Variants in GPM6B observed in about 807,000 individuals in gnomAD.
GPM6B encodes the protein neuronal membrane glycoprotein M6-b.
In GPM6B, 4 loss-of-function variants were observed where a neutral mutation model predicts 27.2. That is an observed-to-expected ratio of 0.15 (90% CI 0.07 to 0.34). GPM6B has a LOEUF of 0.34. Among genes scored for constraint, GPM6B ranks in the 10% least tolerant of loss-of-function variants. GPM6B has a pLI of 1.00. For synonymous variants in GPM6B, 124 were observed against 103.1 expected (o/e 1.20, Z -1.23); for missense variants, 183 against 261.9 (o/e 0.70, Z 2.08).
intron 1 of GPM6B, among the ~76,000 whole-genome samples, chrX:13,833,550 T>A (rs867253729): frequency 1.4e-5 from 1 of 71,562 alleles, no homozygotes; most frequent in African/African-American, 6.0e-5. Context: ...CTCTATCTCT[T>A]AAAAAAAAAA....
At chrX:13,919,862 G>A (rs2050461493) in intron 1 of GPM6B, among the ~76,000 whole-genome samples, 2 of 111,731 alleles carry the variant, frequency 1.8e-5, no homozygotes, top group South Asian at 7.4e-4. Flanking sequence ...GCTGTTGAAG[G>A]ACAGCATCCT....
chrX:13,902,618 G>A (rs1419485623), intron 1 of GPM6B, among the ~76,000 whole-genome samples: 2 of 110,953 alleles, frequency 1.8e-5, no homozygotes, highest in African/African-American at 6.6e-5. Context: ...TGAAGGAGCT[G>A]CCCAAGAGCC....
At chrX:13,831,394 G>A (rs188314664) in intron 1 of GPM6B, among the ~76,000 whole-genome samples, 1 of 111,330 alleles carries the variant, frequency 9.0e-6, no homozygotes, top group African/African-American at 3.3e-5. Context: ...TGCCAGTCAC[G>A]AGGCCATGGA....
At chrX:13,778,446 T>C (rs1335283175) in intron 5 of GPM6B, among the ~76,000 whole-genome samples, 1 of 112,590 alleles carries the variant, frequency 8.9e-6, no homozygotes, top group African/African-American at 3.2e-5. Context: ...CTGAGGCTCC[T>C]CTGCAATGAC....
At chrX:13,855,358 G>A (rs755118850) in intron 1 of GPM6B, among the ~76,000 whole-genome samples, 3 of 111,953 alleles carry the variant, frequency 2.7e-5, no homozygotes, top group Admixed American at 9.5e-5. Flanking sequence ...GCTCAGTTTC[G>A]ACTTTTATAT....
chrX:13,847,102 A>G (rs2049658555), intron 1 of GPM6B, among the ~76,000 whole-genome samples: 1 of 111,190 alleles, frequency 9.0e-6, no homozygotes, highest in African/African-American at 3.3e-5. Context: ...TAAATTCAAA[A>G]TCCAAATGTC....
At chrX:13,785,946 C>A (rs1227279467) in intron 2 of GPM6B, 138 bp from the exon 3 acceptor site, 9 of 491,681 alleles carry the variant, frequency 1.8e-5, no homozygotes, top group Non-Finnish European at 3.0e-5. Context: ...AATACTTCGA[C>A]ATCCCAAGGG....
intron 7 of GPM6B, 106 bp downstream of exon 7, chrX:13,776,132 C>G: frequency 1.6e-6 from 1 of 630,392 alleles, no homozygotes; most frequent in South Asian, 2.6e-5. Context: ...GGTTGAGTGC[C>G]AGAATCATTG....
intron 1 of GPM6B, among the ~76,000 whole-genome samples, chrX:13,933,259 T>C (rs1293148824): frequency 1.8e-5 from 2 of 111,921 alleles, no homozygotes; most frequent in Non-Finnish European, 3.8e-5. Flanking sequence ...AATTTGGTAT[T>C]TGAACAGAAA....
intron 1 of GPM6B, among the ~76,000 whole-genome samples, chrX:13,857,717 T>C (rs918824084): frequency 1.8e-5 from 2 of 112,660 alleles, no homozygotes; most frequent in African/African-American, 3.2e-5. Flanking sequence ...TAATTGCATG[T>C]TATCTAAAAC....
At chrX:13,889,594 T>C (rs971275433) in intron 1 of GPM6B, 6 of 111,503 alleles carry the variant, frequency 5.4e-5, no homozygotes, top group Admixed American at 9.6e-5. Context: ...TCACATTAGA[T>C]GCAGGCAAGC....
intron 1 of GPM6B, among the ~76,000 whole-genome samples, chrX:13,889,976 G>A (rs2050174105): frequency 9.0e-6 from 1 of 111,337 alleles, no homozygotes; most frequent in Admixed American, 9.6e-5. Context: ...AATGCTATTA[G>A]CTACGTGCTA....
upstream of GPM6B, among the ~76,000 whole-genome samples, chrX:13,818,662 A>T (rs1408653720): frequency 8.9e-6 from 1 of 112,564 alleles, no homozygotes; most frequent in Admixed American, 9.4e-5. Context: ...TCTCCTGGTC[A>T]GGGGATTGAG....
intron 1 of GPM6B, among the ~76,000 whole-genome samples, chrX:13,862,671 G>T (rs1402210969): frequency 9.0e-6 from 1 of 111,397 alleles, no homozygotes; most frequent in Non-Finnish European, 1.9e-5. Flanking sequence ...CTTCTGATTT[G>T]TGGAAATATT....
intron 4 of GPM6B, among the ~76,000 whole-genome samples, chrX:13,782,786 A>AAAAAAAAAAAAAAC: frequency 9.2e-6 from 1 of 109,072 alleles, no homozygotes; most frequent in East Asian, 2.9e-4. Flanking sequence ...AAAAAAAAAA[A>AAAAAAAAAAAAAAC]ATTCTTGGCT....
upstream of GPM6B, among the ~76,000 whole-genome samples, chrX:13,821,411 G>C (rs184951554): frequency 2.7e-5 from 3 of 111,850 alleles, no homozygotes; most frequent in Non-Finnish European, 5.6e-5. Flanking sequence ...GTGTGTCTGG[G>C]ATTCAAATCA....
At chrX:13,838,360 G>A (rs750684731) in intron 1 of GPM6B, among the ~76,000 whole-genome samples, 1 of 112,091 alleles carries the variant, frequency 8.9e-6, no homozygotes, top group Non-Finnish European at 1.9e-5. Context: ...TCCAGCAAAA[G>A]AAATGATTTG....
At chrX:13,871,300 TAA>T (rs1157544334) in intron 1 of GPM6B, among the ~76,000 whole-genome samples, 1 of 111,459 alleles carries the variant, frequency 9.0e-6, no homozygotes, top group African/African-American at 3.3e-5. Flanking sequence ...AAATCTTTAG[TAA>T]AGTCTTATTT....
intron 2 of GPM6B, among the ~76,000 whole-genome samples, chrX:13,794,615 G>A (rs925423436): frequency 8.9e-6 from 1 of 112,020 alleles, no homozygotes; most frequent in African/African-American, 3.2e-5. Context: ...ATGCCTGAGC[G>A]TGAATCGGGC....
Sources: allele counts gnomAD v4.1 joint callset (sites outside exome capture counted in the v4.1 genomes callset), GRCh38; gene constraint gnomAD v4.1.1; transcripts MANE v1.5; gene names NCBI Gene and HGNC (gene_info 2026-07-23, HGNC 2026-07-21).